EML6: variants seen among roughly 807,000 people sequenced by gnomAD.
The protein encoded by EML6 is EMAP like 6, also known as echinoderm microtubule-associated protein-like 6.
A neutral mutation model predicts 240.1 loss-of-function variants in EML6; 154 were observed. That is an observed-to-expected ratio of 0.64 (90% CI 0.56 to 0.73). The LOEUF is 0.73. EML6 is among the 30% of genes least tolerant of loss of function. EML6 has a pLI of 0.00. For missense variants in EML6, 2,964 were observed against 2,474.6 expected, an observed-to-expected ratio of 1.20 and a Z score of -4.20; for synonymous variants, 1,148 against 899.0, an observed-to-expected ratio of 1.28 and a Z score of -4.95.
chr2:54,785,800 G>A (rs1382004013), intron 2 of EML6, among the ~76,000 whole-genome samples: 3 of 151,604 alleles, frequency 2.0e-5, no homozygotes, highest in Non-Finnish European at 4.4e-5. Flanking sequence ...TAGGCTACAC[G>A]GTTCATTTTT....
intron 2 of EML6, among the ~76,000 whole-genome samples, chr2:54,772,482 T>G (rs1362511533): frequency 6.6e-6 from 1 of 152,206 alleles, no homozygotes; most frequent in Non-Finnish European, 1.5e-5. Context: ...ATTAATTCGA[T>G]TTTTACTATA....
chr2:54,885,575 A>G (rs780791230), intron 17 of EML6, among the ~76,000 whole-genome samples: 9 of 152,240 alleles, frequency 5.9e-5, no homozygotes, highest in Admixed American at 1.3e-4. Context: ...TATGTCCAGT[A>G]ATGTATCCTA....
chr2:54,899,868 A>C, intron 22 of EML6, 86 bp downstream of exon 22: 2 of 1,336,560 alleles, frequency 1.5e-6, no homozygotes, highest in East Asian at 5.2e-5. Flanking sequence ...ATATTTACTG[A>C]GGGCACGTGT....
chr2:54,957,393 T>G, intron 32 of EML6, among the ~76,000 whole-genome samples: 1 of 142,160 alleles, frequency 7.0e-6, no homozygotes, highest in East Asian at 2.1e-4. Flanking sequence ...GGAATGTGAG[T>G]CCCAGTGGCC....
Position 54,842,247 on chromosome 2 carries a change from T to A in EML6, c.848-1800T>A, listed in dbSNP as rs1669500230. The stretch of plus-strand genomic sequence containing the variant: ...GCCTGTTCATCACTCTGCCTATTTA[T>A]CTCTCTGCCCCAGATTTTTAATTTT... On this transcript the variant is annotated intron_variant, in intron 7 of 41. Coordinates refer to ENST00000356458, the MANE Select transcript of EML6 (RefSeq NM_001039753.4). Among the ~76,000 whole-genome samples the A allele has an allele frequency of 3.9e-5, 6 of 152,340 alleles. No individual in the cohort carries two copies. In the South Asian group the frequency reaches 1.2e-3, roughly 32 times the overall value.
chr2:54,850,024 C>G lies in EML6; in HGVS notation c.1250C>G (p.Ser417Cys). Residue 417 changes from serine (S) to cysteine (C), a missense_variant, in exon 10 of 42, where the codon TCT (serine) becomes TGT (cysteine). Physicochemically the swap from Ser to Cys is moderately radical, Grantham distance 112. Coordinates refer to ENST00000356458, the MANE Select transcript of EML6 (RefSeq NM_001039753.4). Reference protein sequence around the residue: ...RKEVIHEMKFSPDGSYLAVGS... With the variant: ...RKEVIHEMKFCPDGSYLAVGS... The stretch of plus-strand genomic sequence containing the variant: ...GAAGTCATTCATGAAATGAAATTTT[C>G]TCCAGATGGTTCTTACCTTGCAGTG... The G allele has an allele frequency of 6.4e-7, 1 of 1,551,630 alleles. No homozygotes were observed. The highest frequency in any genetic ancestry group is 8.7e-7 in the Non-Finnish European group (1 of 1,146,826).
intron 2 of EML6, among the ~76,000 whole-genome samples, chr2:54,797,515 G>C (rs1020268979): frequency 2.0e-5 from 3 of 152,018 alleles, no homozygotes; most frequent in African/African-American, 7.2e-5. Flanking sequence ...AATAAAGCGA[G>C]TCACACAAAT....
intron 21 of EML6, among the ~76,000 whole-genome samples, chr2:54,896,228 G>T (rs1402254869): frequency 6.6e-6 from 1 of 152,144 alleles, no homozygotes; most frequent in Non-Finnish European, 1.5e-5. Context: ...AGGTGTGGAA[G>T]AAGTGCCTTA....
intron 2 of EML6, among the ~76,000 whole-genome samples, chr2:54,777,740 G>A (rs912736384): frequency 2.0e-5 from 3 of 152,140 alleles, no homozygotes; most frequent in Non-Finnish European, 4.4e-5. Flanking sequence ...CCCTTTCCAT[G>A]GCTGGGTACA....
At chr2:54,930,293 C>A (rs1048733492) in intron 28 of EML6, among the ~76,000 whole-genome samples, 12 of 152,210 alleles carry the variant, frequency 7.9e-5, no homozygotes, top group East Asian at 1.9e-4. Flanking sequence ...TGATTTCAAA[C>A]CCTAACCAAG....
intron 2 of EML6, among the ~76,000 whole-genome samples, chr2:54,794,396 A>G (rs899274408): frequency 1.6e-4 from 24 of 152,118 alleles, no homozygotes; most frequent in Admixed American, 4.6e-4. Flanking sequence ...CAAAATTCTT[A>G]ATTTGACCCC....
At position 54,970,073 on chromosome 2, in the gene EML6, T is replaced by A. The variant is rs1441757900; in HGVS notation, c.5855T>A (p.Val1952Glu). 1 of 1,551,684 alleles carries A rather than the reference T, an allele frequency of 6.4e-7. No individual in the cohort carries two copies. Among genetic ancestry groups the A allele is most frequent in the South Asian group, 1.2e-5 (1 of 84,062 alleles). ...VVSTGGDDCS[V>E]FVWRCL ...GACTGTTTGATCTGCCTTTTCAGTGTATTTGTGTGGCGATGTCTGTAAAAT... is the reference window on the plus strand; with the variant it reads ...GACTGTTTGATCTGCCTTTTCAGTGAATTTGTGTGGCGATGTCTGTAAAAT... The change falls in exon 42 of 42, where the codon GTA (valine) becomes GAA (glutamate). Residue 1952 changes from valine to glutamate, a missense_variant and splice_region_variant. Coordinates refer to ENST00000356458, the MANE Select transcript of EML6 (RefSeq NM_001039753.4).
chr2:54,944,305 T>C (rs1444235973), intron 28 of EML6, among the ~76,000 whole-genome samples: 1 of 152,194 alleles, frequency 6.6e-6, no homozygotes, highest in Non-Finnish European at 1.5e-5. Context: ...CATTCCATGA[T>C]ACAACCATCT....
chr2:54,870,170 C>G (rs1558633589), intron 15 of EML6, among the ~76,000 whole-genome samples: 1 of 152,104 alleles, frequency 6.6e-6, no homozygotes, highest in East Asian at 1.9e-4. Flanking sequence ...TGAGACAAGC[C>G]CTTTTCCTGA....
chr2:54,789,438 C>T (rs1015087144), intron 2 of EML6, among the ~76,000 whole-genome samples: 4 of 130,574 alleles, frequency 3.1e-5, no homozygotes, highest in Non-Finnish European at 4.7e-5. Flanking sequence ...GGCGTGAACC[C>T]GGGAGGCGGA....
At chr2:54,887,503 C>T (rs891099090) in intron 17 of EML6, among the ~76,000 whole-genome samples, 1 of 152,098 alleles carries the variant, frequency 6.6e-6, no homozygotes, top group East Asian at 1.9e-4. Context: ...TTTCATCAAG[C>T]AAAAGGTTTA....
intron 25 of EML6, among the ~76,000 whole-genome samples, chr2:54,915,547 C>T (rs1031868772): frequency 6.6e-6 from 1 of 152,072 alleles, no homozygotes; most frequent in Non-Finnish European, 1.5e-5. Context: ...TGTGTTCCTA[C>T]CCAAGGCCCC....
intron 2 of EML6, among the ~76,000 whole-genome samples, chr2:54,765,369 A>G (rs1175987100): frequency 6.6e-6 from 1 of 152,176 alleles, no homozygotes; most frequent in East Asian, 1.9e-4. Flanking sequence ...TTAGCATTTA[A>G]TTATATATCT....
At chr2:54,822,137 G>T (rs1223594558) in intron 5 of EML6, among the ~76,000 whole-genome samples, 2 of 152,040 alleles carry the variant, frequency 1.3e-5, no homozygotes, top group Non-Finnish European at 2.9e-5. Context: ...TAGAAACACT[G>T]TTGGCCAATA....
Sources: gnomAD v4.1 joint callset for allele counts (sites outside exome capture counted in the v4.1 genomes callset) on GRCh38, gnomAD v4.1.1 for gene constraint, MANE v1.5 for transcripts, NCBI Gene and HGNC (gene_info 2026-07-23, HGNC 2026-07-21) for gene names.